Variants in OR51B5 observed in about 807,000 individuals in gnomAD.
OR51B5 encodes the protein olfactory receptor family 51 subfamily B member 5, also known as olfactory receptor 51B5.
For synonymous variants in OR51B5, 186 were observed against 144.8 expected, an observed-to-expected ratio of 1.28 and a Z score of -2.04; for missense variants, 456 against 374.6, an observed-to-expected ratio of 1.22 and a Z score of -1.79.
At chr11:5,363,190 T>C (rs567079315) in intron 1 of OR51B5, among the ~76,000 whole-genome samples, 8 of 151,476 alleles carry the variant, frequency 5.3e-5, no homozygotes, top group Non-Finnish European at 7.4e-5. Context: ...AAATCATTTT[T>C]CATCAATACA....
intron 1 of OR51B5, among the ~76,000 whole-genome samples, chr11:5,395,703 GA>G (rs1439459884): frequency 1.3e-5 from 2 of 152,168 alleles, no homozygotes; most frequent in Non-Finnish European, 2.9e-5. Context: ...GGCCCATGTG[GA>G]AATCTTTCAA....
chr11:5,476,551 A>C (rs1851309172), intron 1 of OR51B5, among the ~76,000 whole-genome samples: 1 of 152,204 alleles, frequency 6.6e-6, no homozygotes, highest in Non-Finnish European at 1.5e-5. Flanking sequence ...GGTATCTCTT[A>C]GGTCTCCAGC....
intron 1 of OR51B5, chr11:5,468,429 C>T (rs563280722): frequency 2.4e-4 from 79 of 325,638 alleles, no homozygotes; most frequent in South Asian, 2.0e-3. Flanking sequence ...ACCTGGTACA[C>T]CCAAACATCA....
intron 1 of OR51B5, among the ~76,000 whole-genome samples, chr11:5,398,476 C>G (rs1226110535): frequency 1.3e-5 from 2 of 152,114 alleles, no homozygotes; most frequent in Admixed American, 1.3e-4. Context: ...GATATGAATG[C>G]CACAGTGGCA....
chr11:5,364,092 C>T (rs1849328476), intron 1 of OR51B5, among the ~76,000 whole-genome samples: 2 of 151,806 alleles, frequency 1.3e-5, no homozygotes, highest in African/African-American at 2.4e-5. Flanking sequence ...GCAATAAGGT[C>T]GATTATAGAT....
chr11:5,344,036 G>A (rs545431424), upstream of OR51B5, among the ~76,000 whole-genome samples: 2 of 152,186 alleles, frequency 1.3e-5, no homozygotes, highest in Admixed American at 1.3e-4. Context: ...AGAAAGAAAA[G>A]TGTGGGAAGA....
intron 1 of OR51B5, among the ~76,000 whole-genome samples, chr11:5,426,582 G>C (rs1029833278): frequency 8.5e-5 from 13 of 152,130 alleles, no homozygotes; most frequent in African/African-American, 3.1e-4. Flanking sequence ...CCTACTTAAT[G>C]AATCAGTTTC....
chr11:5,437,628 T>G (rs1850610333), intron 1 of OR51B5, among the ~76,000 whole-genome samples: 1 of 152,192 alleles, frequency 6.6e-6, no homozygotes, highest in Non-Finnish European at 1.5e-5. Context: ...GAACCTGATT[T>G]ATAAAAAAGG....
At chr11:5,351,209 C>G (rs918922077) in intron 1 of OR51B5, among the ~76,000 whole-genome samples, 10 of 152,120 alleles carry the variant, frequency 6.6e-5, no homozygotes, top group Admixed American at 1.3e-4. Context: ...TTTTTATTTT[C>G]TGGGTTATAT....
intron 1 of OR51B5, among the ~76,000 whole-genome samples, chr11:5,461,745 T>G (rs1464257436): frequency 6.6e-6 from 1 of 152,228 alleles, no homozygotes; most frequent in Non-Finnish European, 1.5e-5. Context: ...CCTGAAGGTC[T>G]GTGGCAAGAG....
intron 1 of OR51B5, among the ~76,000 whole-genome samples, chr11:5,473,941 A>C (rs771060944): frequency 5.3e-5 from 8 of 151,894 alleles, no homozygotes; most frequent in Non-Finnish European, 1.0e-4. Flanking sequence ...GTTACTAGGA[A>C]ATGAGAAAAA....
intron 1 of OR51B5, among the ~76,000 whole-genome samples, chr11:5,478,433 A>G (rs1455388644): frequency 6.6e-6 from 1 of 152,026 alleles, no homozygotes; most frequent in African/African-American, 2.4e-5. Context: ...GAAAAACTGG[A>G]AACTCTAAAA....
chr11:5,373,932 C>T (rs1849482157), intron 1 of OR51B5, among the ~76,000 whole-genome samples: 1 of 152,148 alleles, frequency 6.6e-6, no homozygotes, highest in African/African-American at 2.4e-5. Context: ...CAGCAGTAAC[C>T]TCTGCAGACT....
intron 1 of OR51B5, among the ~76,000 whole-genome samples, chr11:5,371,330 C>T (rs1043315390): frequency 6.6e-6 from 1 of 152,072 alleles, no homozygotes; most frequent in Non-Finnish European, 1.5e-5. Context: ...ATATAATTCT[C>T]ATTCTCTGTG....
intron 1 of OR51B5, chr11:5,354,547 G>A (rs1172147869): frequency 2.6e-5 from 4 of 152,590 alleles, no homozygotes; most frequent in Non-Finnish European, 5.9e-5. Context: ...GCAGAGCTCT[G>A]GGCTCCCGAT....
At chr11:5,343,011 G>T (rs781633652) in exon 1 of OR51B5, 8 of 1,613,682 alleles carry the variant, frequency 5.0e-6, no homozygotes, top group Non-Finnish European at 5.9e-6. Flanking sequence ...GCATGTGAAA[G>T]AACATGGGAG....
intron 1 of OR51B5, among the ~76,000 whole-genome samples, chr11:5,504,840 C>T (rs925401105): frequency 2.6e-5 from 4 of 152,188 alleles, no homozygotes; most frequent in African/African-American, 9.7e-5. Context: ...CTGGATTCAC[C>T]ACCTTGGAGC....
chr11:5,356,352 G>C (rs1407495397), intron 1 of OR51B5, among the ~76,000 whole-genome samples: 3 of 151,834 alleles, frequency 2.0e-5, no homozygotes, highest in Admixed American at 1.3e-4. Context: ...TAGCTGATTC[G>C]ATCAACTGGA....
chr11:5,495,394 T>A (rs954127088), intron 1 of OR51B5, among the ~76,000 whole-genome samples: 4 of 152,358 alleles, frequency 2.6e-5, no homozygotes, highest in Non-Finnish European at 5.9e-5. Flanking sequence ...AAAATATCTA[T>A]ATGATAATTT....
Sources: allele counts gnomAD v4.1 joint callset (sites outside exome capture counted in the v4.1 genomes callset), GRCh38; gene constraint gnomAD v4.1.1; transcripts MANE v1.5; gene names NCBI Gene and HGNC (gene_info 2026-07-23, HGNC 2026-07-21).